The following CAPN12 variants were observed in gnomAD, a reference collection of about 807,000 sequenced individuals.
CAPN12 encodes calpain 12.
Under a neutral mutation model 95.0 loss-of-function variants are expected in CAPN12, and 107 were observed. The observed-to-expected ratio is 1.13, with a 90% confidence interval of 0.96 to 1.32. CAPN12 has a LOEUF of 1.32. Ranked by LOEUF, CAPN12 falls within the 40% of genes most tolerant of loss-of-function variation. The pLI is 0.00. For missense variants in CAPN12, 1,136 were observed against 997.8 expected (o/e 1.14, Z -1.87); for synonymous variants, 505 against 415.5 (o/e 1.22, Z -2.62).
At position 38,731,173 on chromosome 19, in the gene CAPN12, C is replaced by T. The variant is rs753093200; in HGVS notation, c.2008G>A (p.Asp670Asn). Residue 670 changes from aspartate to asparagine, a missense_variant, in exon 19 of 21, where the codon GAT becomes AAT. Coordinates refer to ENST00000328867, the MANE Select transcript of CAPN12 (RefSeq NM_144691.4). ...LTQTLTSRYR[D>N]SRLRVDFERF... ...TCGAAGTCCACACGCAGACGGCTAT[C>T]CCGGTAGCGGCTGGTGAGGGTCTGG... The T allele has an allele frequency of 6.2e-7, 1 of 1,613,090 alleles. No homozygotes were observed. The highest frequency in any genetic ancestry group is 1.3e-5 in the African/African-American group (1 of 74,922).
rs757396409 is a variant in CAPN12 at position 38,735,487 on chromosome 19, A to G, written c.1626+15T>C. 9 of 1,611,060 alleles carry G rather than the reference A, an allele frequency of 5.6e-6. No individual in the cohort carries two copies. The East Asian group carries it at 9.0e-5, about 16-fold the overall frequency. On this transcript the variant is annotated intron_variant, in intron 13 of 20. Transcript: ENST00000328867. ...GATCCCCGCCCCATGCCGCCCCTCCAGGAACAGTCCCCACCTGGAGAGACT... is the reference window on the plus strand; with the variant it reads ...GATCCCCGCCCCATGCCGCCCCTCCGGGAACAGTCCCCACCTGGAGAGACT...
intron 5 of CAPN12, chr19:38,738,930 A>G (rs999273411): frequency 6.0e-6 from 3 of 496,966 alleles, no homozygotes; most frequent in African/African-American, 3.9e-5. Flanking sequence ...CCAGGAGTCC[A>G]AGACCAGCCT....
Position 38,731,232 on chromosome 19 carries a change from A to AG in CAPN12, c.1958-10dup. 6.2e-7 allele frequency: 1 copy of AG among 1,609,422 alleles called. No homozygotes were observed. The highest frequency in any genetic ancestry group is 8.5e-7 in the Non-Finnish European group (1 of 1,177,738). The stretch of plus-strand genomic sequence containing the variant: ...GTTGTTCAGGTGGAAGCCTAGGGGG[A>AG]GGCTGCTTCTGAGCCCAGTGGCCCA... On this transcript the variant is annotated splice_polypyrimidine_tract_variant and intron_variant, in intron 18 of 20. Coordinates refer to ENST00000328867, the MANE Select transcript of CAPN12 (RefSeq NM_144691.4).
chr19:38,736,851 G>A (rs1970213139), intron 10 of CAPN12: 3 of 579,316 alleles, frequency 5.2e-6, no homozygotes, highest in Non-Finnish European at 9.1e-6. Flanking sequence ...GTCTGTCCCT[G>A]AGCCCCTCCC....
At chr19:38,735,640 G>GTGAGGAATCGCGTGGGGTC (rs1969988220) in intron 12 of CAPN12, 96 bp from the exon 13 acceptor site, 1 of 1,160,928 alleles carries the variant, frequency 8.6e-7, no homozygotes, top group African/African-American at 2.0e-5. Context: ...TGGGGTCTAG[G>GTGAGGAATCGCGTGGGGTC]TAGGGACCGT....
At chr19:38,740,919 G>T (rs551707479) in intron 4 of CAPN12, among the ~76,000 whole-genome samples, 2 of 152,206 alleles carry the variant, frequency 1.3e-5, no homozygotes, top group African/African-American at 4.8e-5. Context: ...GGGGGGCATG[G>T]GAGAGCTGTG....
intron 18 of CAPN12, among the ~76,000 whole-genome samples, chr19:38,732,119 C>T (rs1482547632): frequency 6.6e-6 from 1 of 152,240 alleles, no homozygotes. Context: ...GGCACTTTAT[C>T]AGTTTCCTTC....
rs772145049 is a variant in CAPN12, at chr19:38,738,599, G to T, written c.779C>A (p.Ala260Glu). 1 of 1,614,024 alleles carries T rather than the reference G, an allele frequency of 6.2e-7. No individual in the cohort carries two copies. The highest frequency in any genetic ancestry group is 1.1e-5 in the South Asian group (1 of 91,084). The change falls in exon 6 of 21, where the codon GCG becomes GAG. Residue 260 changes from alanine to glutamate, a missense_variant. Coordinates refer to ENST00000328867, the MANE Select transcript of CAPN12 (RefSeq NM_144691.4). ...RTEEGLVKGH[A>E]YSITGTHKVF... is the part of the protein sequence containing the mutation. ...CTTGTGTGTGCCCGTGATGGAATACGCGTGTCCCTTTACCAGGCCCTCTTC... is the reference window on the plus strand; with the variant it reads ...CTTGTGTGTGCCCGTGATGGAATACTCGTGTCCCTTTACCAGGCCCTCTTC...
Position 38,743,016 on chromosome 19 carries a change from T to C in CAPN12, c.307+17A>G. The C allele has an allele frequency of 1.2e-6, 2 of 1,613,642 alleles. No individual in the cohort carries two copies. The highest frequency in any genetic ancestry group is 2.2e-5 in the South Asian group (2 of 91,072). ...ACTAGCTGGATCTGAGGACTCCAGG[T>C]GGGTTCAGGGTCTCACCCAGGCTCC... On this transcript the variant is annotated intron_variant, in intron 2 of 20. Coordinates refer to ENST00000328867, the MANE Select transcript of CAPN12 (RefSeq NM_144691.4).
In CAPN12 at chr19:38,730,232, A is replaced by C. The variant is rs1446735723; in HGVS notation, c.*620T>G. On this transcript the variant is annotated 3_prime_UTR_variant, in exon 21 of 21. Transcript: ENST00000328867. ...CTTTATTAACTTACGGATTTATTAT[A>C]TAAATATATATTCACCTAGCAACAT... 5 of 157,390 alleles carry C rather than the reference A, an allele frequency of 3.2e-5. No individual in the cohort carries two copies. Among genetic ancestry groups the C allele is most frequent in the African/African-American group, 1.2e-4 (5 of 41,388 alleles). 9.7% of individuals were successfully genotyped at this position (157,390 alleles called of 1,614,324 possible). A position where few individuals can be genotyped will look rare whatever the true frequency, so the allele number is the denominator to read the frequency against.
chr19:38,733,915 GC>G, intron 17 of CAPN12, 134 bp from the exon 18 acceptor site: 1 of 825,356 alleles, frequency 1.2e-6, no homozygotes, highest in Non-Finnish European at 1.9e-6. Flanking sequence ...AAGCAGCCTA[GC>G]CACTTGGGAC....
Position 38,734,212 on chromosome 19 carries a change from G to A in CAPN12, c.1816-8C>T, listed in dbSNP as rs1381471552. On this transcript the variant is annotated splice_region_variant and splice_polypyrimidine_tract_variant and intron_variant, in intron 16 of 20. Transcript: ENST00000328867. ...GGCCAGGCTTTGCCCATGCTGTGTT[G>A]GGGGTCGGGGGCATCTGGTTAAGGT... is the stretch of plus-strand genomic sequence containing the variant. 5 of 1,612,662 alleles carry A rather than the reference G, an allele frequency of 3.1e-6. No individual in the cohort carries two copies. In the African/African-American group the frequency reaches 4.0e-5, roughly 13 times the overall value.
At chr19:38,733,295 G>GA (rs757699343) in intron 18 of CAPN12, 5 of 169,036 alleles carry the variant, frequency 3.0e-5, no homozygotes, top group Non-Finnish European at 6.4e-5. Flanking sequence ...TCAAAGAGAT[G>GA]AAGTCAAGTG....
intron 18 of CAPN12, 119 bp downstream of exon 18, chr19:38,733,584 G>A (rs1969792215): frequency 2.3e-6 from 2 of 875,826 alleles, no homozygotes; most frequent in African/African-American, 3.3e-5. Context: ...ACAAGCTAAG[G>A]TGTGGGCCTG....
intron 14 of CAPN12, 67 bp downstream of exon 14, chr19:38,735,302 TG>T: frequency 7.0e-7 from 1 of 1,434,562 alleles, no homozygotes; most frequent in Non-Finnish European, 9.4e-7. Context: ...GATGCTGGGG[TG>T]GGGGAAGGGG....
At chr19:38,732,366 C>T (rs140417766) in intron 18 of CAPN12, among the ~76,000 whole-genome samples, 1,711 of 152,330 alleles carry the variant, frequency 0.011, 40 homozygotes, top group African/African-American at 0.037. Flanking sequence ...GAGTCTCGCT[C>T]TGTTGCCCAG....
rs994032751 is a variant in CAPN12, at chr19:38,730,638, G to A, written c.*214C>T. On this transcript the variant is annotated 3_prime_UTR_variant, in exon 21 of 21. Transcript: ENST00000328867. ...TTAAGCTGTCAACGTGGACTAGCTC[G>A]TGTCATCTGCTCGAGAAGGGCTGTC... 21 of 624,334 alleles carry A rather than the reference G, an allele frequency of 3.4e-5. No homozygotes were observed. Among genetic ancestry groups the A allele is most frequent in the Admixed American group, 1.0e-4 (4 of 38,436 alleles). The allele number at this position is 624,334 out of a possible 1,614,324, so 38.7% of individuals were successfully genotyped here.
In CAPN12 at chr19:38,736,103, G is replaced by A. The variant is rs1334462333; in HGVS notation, c.1583+7C>T. 2 of 1,492,352 alleles carry A rather than the reference G, an allele frequency of 1.3e-6. No individual in the cohort carries two copies. The highest frequency in any genetic ancestry group is 1.8e-6 in the Non-Finnish European group (2 of 1,124,398). 92.4% of individuals were successfully genotyped at this position (1,492,352 alleles called of 1,614,324 possible). A position where few individuals can be genotyped will look rare whatever the true frequency, so the allele number is the denominator to read the frequency against. ...GATGGGGTCGGATTTGGGTGCCCGG[G>A]GCTCACACGGCCGTGTGGCGGCGCT... On this transcript the variant is annotated splice_region_variant and intron_variant, in intron 12 of 20. Transcript: ENST00000328867.
At chr19:38,739,906 T>C in intron 5 of CAPN12, 145 bp downstream of exon 5, 2 of 825,372 alleles carry the variant, frequency 2.4e-6, no homozygotes, top group Admixed American at 7.2e-5. Flanking sequence ...AGCAAATGAA[T>C]TTATTTTTGA....
Sources: allele counts gnomAD v4.1 joint callset (sites outside exome capture counted in the v4.1 genomes callset), GRCh38; gene constraint gnomAD v4.1.1; transcripts MANE v1.5; gene names NCBI Gene and HGNC (gene_info 2026-07-23, HGNC 2026-07-21).